The following TRAPPC9 variants were observed in gnomAD, a reference collection of about 807,000 sequenced individuals.
TRAPPC9 encodes trafficking protein particle complex subunit 9.
TRAPPC9 carries 83 observed loss-of-function variants against 124.0 expected under a neutral mutation model. The observed-to-expected ratio is 0.67, with a 90% CI of 0.56 to 0.80. The LOEUF is 0.80. Ranked by LOEUF, TRAPPC9 falls within the 30% of genes least tolerant of loss-of-function variation. The probability of loss-of-function intolerance (pLI) is 0.00; values close to 1 mark genes in which losing one functional copy is unlikely to be tolerated. For synonymous variants in TRAPPC9, 638 were observed against 617.5 expected, an observed-to-expected ratio of 1.03 and a Z score of -0.49; for missense variants, 1,302 against 1,508.3, an observed-to-expected ratio of 0.86 and a Z score of 2.27.
chr8:140,450,155 G>A (rs1422653439), intron 2 of TRAPPC9, among the ~76,000 whole-genome samples: 1 of 152,148 alleles, frequency 6.6e-6, no homozygotes, highest in Non-Finnish European at 1.5e-5. Context: ...AAGGCCAGGA[G>A]TTCAAGACCA....
chr8:139,934,165 G>A (rs772301060), intron 19 of TRAPPC9, among the ~76,000 whole-genome samples: 42 of 151,986 alleles, frequency 2.8e-4, no homozygotes, highest in Non-Finnish European at 3.1e-4. Context: ...TTTGTGTGCC[G>A]ACACTAACAG....
chr8:139,862,991 T>C (rs930965002), intron 21 of TRAPPC9, among the ~76,000 whole-genome samples: 2 of 152,208 alleles, frequency 1.3e-5, no homozygotes, highest in Admixed American at 1.3e-4. Flanking sequence ...GCCCCTCCTC[T>C]GCCAGGAAGC....
At chr8:139,872,762 G>T (rs887134632) in intron 21 of TRAPPC9, among the ~76,000 whole-genome samples, 1 of 7,032 alleles carries the variant, frequency 1.4e-4, no homozygotes, top group Non-Finnish European at 2.7e-4. Flanking sequence ...ATGGATGGGT[G>T]GGTGGGTGGG....
rs1336337331 is a variant in TRAPPC9, at chr8:140,439,065, A to G, written c.717T>C (p.Phe239=). The change falls in exon 3 of 23, where the codon TTT becomes TTC. Residue 239 remains phenylalanine, a synonymous_variant. Transcript: ENST00000438773. ...AGCTCATCTTACCTCCAAGCCACAG[A>G]AAGTCATTCACAGAACGCAGCAGCT... ...SVELLRSVND[F]LWLGAALEGL... is the part of the protein sequence containing the mutation. 4 of 1,614,216 alleles carry G rather than the reference A, an allele frequency of 2.5e-6. No individual in the cohort carries two copies. The highest frequency in any genetic ancestry group is 2.7e-5 in the African/African-American group (2 of 75,052).
chr8:139,966,042 C>T (rs1835685586), intron 19 of TRAPPC9, among the ~76,000 whole-genome samples: 1 of 152,232 alleles, frequency 6.6e-6, no homozygotes, highest in Non-Finnish European at 1.5e-5. Flanking sequence ...ACTACGACTA[C>T]TACTTTCACA....
intron 17 of TRAPPC9, among the ~76,000 whole-genome samples, chr8:140,172,617 AGCTACGATC>A (rs1400609220): frequency 6.6e-6 from 1 of 152,102 alleles, no homozygotes; most frequent in Non-Finnish European, 1.5e-5. Flanking sequence ...GTTTTATGAG[AGCTACGATC>A]GCAGCAGCAG....
At chr8:139,995,023 G>C (rs1356989817) in intron 18 of TRAPPC9, among the ~76,000 whole-genome samples, 1 of 152,068 alleles carries the variant, frequency 6.6e-6, no homozygotes, top group Non-Finnish European at 1.5e-5. Context: ...GGAAAAGATG[G>C]AGTAAGCACA....
At chr8:140,032,737 T>C (rs1010786152) in intron 17 of TRAPPC9, among the ~76,000 whole-genome samples, 2 of 152,242 alleles carry the variant, frequency 1.3e-5, no homozygotes, top group Non-Finnish European at 2.9e-5. Context: ...AAGATATTTC[T>C]GAAAGATATA....
At chr8:139,756,241 G>A (rs1819762696) in intron 21 of TRAPPC9, among the ~76,000 whole-genome samples, 1 of 132,834 alleles carries the variant, frequency 7.5e-6, no homozygotes, top group Non-Finnish European at 1.6e-5. Flanking sequence ...CAGGGTTTGG[G>A]GATGAGGACA....
intron 9 of TRAPPC9, among the ~76,000 whole-genome samples, chr8:140,341,898 A>G (rs939800406): frequency 2.0e-5 from 3 of 152,270 alleles, no homozygotes; most frequent in African/African-American, 7.2e-5. Flanking sequence ...CCTGGGCCAG[A>G]CTGAAAGAGC....
At chr8:139,979,125 C>T (rs1015566816) in intron 19 of TRAPPC9, among the ~76,000 whole-genome samples, 2 of 152,016 alleles carry the variant, frequency 1.3e-5, no homozygotes, top group Non-Finnish European at 2.9e-5. Flanking sequence ...GCAAGCACCA[C>T]AAGAGAATTA....
At chr8:140,264,796 G>A (rs1458846924) in intron 15 of TRAPPC9, among the ~76,000 whole-genome samples, 1 of 152,076 alleles carries the variant, frequency 6.6e-6, no homozygotes, top group Non-Finnish European at 1.5e-5. Context: ...CATCAGTCTT[G>A]GGACTGCAAC....
At chr8:140,218,317 C>T (rs1471949517) in intron 17 of TRAPPC9, among the ~76,000 whole-genome samples, 3 of 152,072 alleles carry the variant, frequency 2.0e-5, no homozygotes, top group African/African-American at 7.2e-5. Flanking sequence ...TCCAGAATTG[C>T]TTAGTGGGAA....
Position 140,264,366 on chromosome 8 carries a change from C to T in TRAPPC9, c.2278+11292G>A, listed in dbSNP as rs182426793. Among the ~76,000 whole-genome samples the T allele has an allele frequency of 8.7e-4, 132 of 152,298 alleles. 2 individuals carry two copies. The South Asian group carries it at 0.014, about 16-fold the overall frequency. Reference sequence around the variant, plus strand: ...ATGGCCTCCCAAGGTGCTTCTTACACTCTTGCTTTCCCGGCTTCCTTCCAT... The same window carrying T: ...ATGGCCTCCCAAGGTGCTTCTTACATTCTTGCTTTCCCGGCTTCCTTCCAT... On this transcript the variant is annotated intron_variant, in intron 15 of 22. Transcript: ENST00000438773.
chr8:140,387,187 A>AAT (rs1490059375), intron 7 of TRAPPC9, among the ~76,000 whole-genome samples: 1 of 152,198 alleles, frequency 6.6e-6, no homozygotes, highest in Non-Finnish European at 1.5e-5. Context: ...TAAAGACTTA[A>AAT]ATGTTAAGTC....
At chr8:139,948,091 C>T (rs900096289) in intron 19 of TRAPPC9, among the ~76,000 whole-genome samples, 1 of 151,202 alleles carries the variant, frequency 6.6e-6, no homozygotes, top group Non-Finnish European at 1.5e-5. Flanking sequence ...CTGTGGAGTG[C>T]GAATCATAAG....
At chr8:139,743,293 C>T (rs1372215274) in intron 21 of TRAPPC9, among the ~76,000 whole-genome samples, 2 of 152,204 alleles carry the variant, frequency 1.3e-5, no homozygotes, top group Non-Finnish European at 2.9e-5. Context: ...GACGCCTCCC[C>T]GACCTGGCCC....
At chr8:140,099,342 G>A (rs1434146067) in intron 17 of TRAPPC9, 1 of 151,398 alleles carries the variant, frequency 6.6e-6, no homozygotes, top group Non-Finnish European at 1.5e-5. Context: ...GCAATCCGCA[G>A]GCTACTGACG....
At chr8:139,995,606 A>G (rs1837914882) in intron 18 of TRAPPC9, among the ~76,000 whole-genome samples, 1 of 152,146 alleles carries the variant, frequency 6.6e-6, no homozygotes, top group Non-Finnish European at 1.5e-5. Flanking sequence ...GCACATAGGG[A>G]TAAGAGCCCC....
Sources: allele counts gnomAD v4.1 joint callset (sites outside exome capture counted in the v4.1 genomes callset), GRCh38; gene constraint gnomAD v4.1.1; transcripts MANE v1.5; gene names NCBI Gene and HGNC (gene_info 2026-07-23, HGNC 2026-07-21).